WIPF1: variants seen among roughly 807,000 people sequenced by gnomAD.
The protein encoded by WIPF1 is WAS/WASL interacting protein family member 1, also known as WAS/WASL-interacting protein family member 1.
In WIPF1, 13 loss-of-function variants were observed where a neutral mutation model predicts 35.4. The observed-to-expected ratio is 0.37, with a 90% confidence interval of 0.24 to 0.58. WIPF1 has a LOEUF of 0.58. Ranked by LOEUF, WIPF1 falls within the 20% of genes least tolerant of loss-of-function variation. WIPF1 has a pLI of 0.74. For synonymous variants in WIPF1, 267 were observed against 266.3 expected (o/e 1.00, Z -0.02); for missense variants, 591 against 667.0 (o/e 0.89, Z 1.25).
At chr2:174,584,077 A>G (rs998905620) in intron 2 of WIPF1, among the ~76,000 whole-genome samples, 2 of 152,136 alleles carry the variant, frequency 1.3e-5, no homozygotes, top group Non-Finnish European at 2.9e-5. Context: ...ATCCTTCCAA[A>G]GTGCACGCCT....
Position 174,562,057 on chromosome 2 carries a change from G to A in WIPF1, c.*490C>T, listed in dbSNP as rs1301111822. 37 of 1,550,368 alleles carry A rather than the reference G, an allele frequency of 2.4e-5. No homozygotes were observed. The highest frequency in any genetic ancestry group is 3.2e-5 in the Non-Finnish European group (37 of 1,146,944). The stretch of plus-strand genomic sequence containing the variant: ...TCTGTCCTAGAGCCAAGCTCGGACT[G>A]CCAAAGATTGGACATCCTGTGACTG... On this transcript the variant is annotated 3_prime_UTR_variant, in exon 8 of 8. Transcript: ENST00000679041.
At chr2:174,580,254 G>A (rs963369952) in intron 3 of WIPF1, among the ~76,000 whole-genome samples, 8 of 152,124 alleles carry the variant, frequency 5.3e-5, no homozygotes, top group Non-Finnish European at 1.2e-4. Flanking sequence ...CCCGGCCATA[G>A]TTCCTTTTTG....
At chr2:174,661,485 A>G (rs1687758664) in intron 1 of WIPF1, among the ~76,000 whole-genome samples, 1 of 151,688 alleles carries the variant, frequency 6.6e-6, no homozygotes, top group South Asian at 2.1e-4. Flanking sequence ...CCTGACGCAC[A>G]CTTCCCCAGG....
chr2:174,631,903 G>A lies in WIPF1; in HGVS notation c.-38-46292C>T, dbSNP rs562707882. Among the ~76,000 whole-genome samples, 4 of 152,240 alleles carry A rather than the reference G, an allele frequency of 2.6e-5. No individual in the cohort carries two copies. The South Asian group carries it at 6.2e-4, about 24-fold the overall frequency. On this transcript the variant is annotated intron_variant, in intron 1 of 8. Transcript: ENST00000272746. ...CTCAGACATCTGTGGATGTCGACCC[G>A]CAGTGCCACTCTGGTATTATCTGGG...
intron 1 of WIPF1, chr2:174,629,986 A>C: frequency 6.6e-6 from 1 of 152,228 alleles, no homozygotes; most frequent in East Asian, 1.9e-4. Context: ...ATACATGCAT[A>C]ACTTCCTAGT....
intron 3 of WIPF1, among the ~76,000 whole-genome samples, chr2:174,579,730 C>T (rs1408154294): frequency 6.6e-6 from 1 of 152,198 alleles, no homozygotes; most frequent in Non-Finnish European, 1.5e-5. Flanking sequence ...CTAGACTGTC[C>T]AGCCTCCTTC....
chr2:174,567,317 A>C, intron 6 of WIPF1, 134 bp from the exon 7 acceptor site: 1 of 808,720 alleles, frequency 1.2e-6, no homozygotes. Context: ...AAGTTTACAG[A>C]AAAGCTGGAA....
chr2:174,606,090 C>T (rs981724895), intron 1 of WIPF1, among the ~76,000 whole-genome samples: 1 of 151,684 alleles, frequency 6.6e-6, no homozygotes, highest in African/African-American at 2.4e-5. Flanking sequence ...CTCTCAAAAT[C>T]TGAACACCCA....
chr2:174,619,878 G>A (rs1025002394), intron 1 of WIPF1, among the ~76,000 whole-genome samples: 10 of 151,730 alleles, frequency 6.6e-5, no homozygotes, highest in African/African-American at 1.7e-4. Flanking sequence ...GGACGTCGAC[G>A]TTGCAAGAAG....
At chr2:174,601,639 G>A (rs573668651), upstream of WIPF1, among the ~76,000 whole-genome samples, 3 of 152,368 alleles carry the variant, frequency 2.0e-5, no homozygotes, top group Non-Finnish European at 2.9e-5. Context: ...ACAGGTGCTG[G>A]ATGTAACAGT....
intron 1 of WIPF1, among the ~76,000 whole-genome samples, chr2:174,661,725 A>G (rs1307610599): frequency 6.6e-6 from 1 of 152,108 alleles, no homozygotes; most frequent in Non-Finnish European, 1.5e-5. Context: ...CCTTGCCTTA[A>G]GCACACCTCA....
At position 174,593,502 on chromosome 2, in the gene WIPF1, G is replaced by A. The variant is rs79844408; in HGVS notation, c.-39+4099C>T. 7.3e-3 allele frequency among the ~76,000 whole-genome samples: 1,109 copies of A among 152,300 alleles called. 20 individuals carry two copies. The highest frequency in any genetic ancestry group is 0.025 in the African/African-American group (1,059 of 41,558). The stretch of plus-strand genomic sequence containing the variant: ...GACGGTGAATTTTAAAAAGCATGTC[G>A]TTTTGGGATTCCTACTCAATTATTC... On this transcript the variant is annotated intron_variant, in intron 1 of 7. Transcript: ENST00000679041.
intron 1 of WIPF1, among the ~76,000 whole-genome samples, chr2:174,592,372 T>C (rs1227250376): frequency 2.0e-5 from 3 of 152,126 alleles, no homozygotes; most frequent in Non-Finnish European, 4.4e-5. Flanking sequence ...TTCAAAAATA[T>C]AAAGCATTTT....
intron 1 of WIPF1, among the ~76,000 whole-genome samples, chr2:174,674,758 T>C (rs963890221): frequency 1.3e-5 from 2 of 152,132 alleles, no homozygotes; most frequent in African/African-American, 4.8e-5. Context: ...CTAAAATGAA[T>C]TATGCTGGCA....
At chr2:174,593,454 G>T (rs184189483) in intron 1 of WIPF1, among the ~76,000 whole-genome samples, 1 of 152,108 alleles carries the variant, frequency 6.6e-6, no homozygotes, top group Non-Finnish European at 1.5e-5. Context: ...TAAAATCATC[G>T]AGCAAACTCA....
At chr2:174,658,978 A>G (rs1332441616) in intron 1 of WIPF1, among the ~76,000 whole-genome samples, 1 of 152,150 alleles carries the variant, frequency 6.6e-6, no homozygotes, top group Non-Finnish European at 1.5e-5. Flanking sequence ...CTCTGTTTCA[A>G]TATCTGGAAA....
chr2:174,599,324 C>G (rs1463753046), upstream of WIPF1, among the ~76,000 whole-genome samples: 2 of 152,180 alleles, frequency 1.3e-5, no homozygotes, highest in Admixed American at 1.3e-4. Context: ...AGTACTGGGA[C>G]AGATGATGTC....
intron 1 of WIPF1, among the ~76,000 whole-genome samples, chr2:174,603,189 AAACC>A (rs572745716): frequency 1.4e-3 from 206 of 152,324 alleles, no homozygotes; most frequent in Non-Finnish European, 2.0e-3. Flanking sequence ...AGAGGGAGAA[AAACC>A]AAGTGCTGGT....
rs561669420 is a variant in WIPF1, at chr2:174,669,418, C to T, written c.-39+13356G>A. On this transcript the variant is annotated intron_variant, in intron 1 of 8. Transcript: ENST00000272746. ...AACCATTAAAACAAAACTGAGATAA[C>T]TGCACTAGAAGGACACATGATTTCA... 3.1e-4 allele frequency among the ~76,000 whole-genome samples: 47 copies of T among 152,304 alleles called. 1 individual carries two copies. In the South Asian group the frequency reaches 9.7e-3, roughly 32 times the overall value.
Sources: allele counts gnomAD v4.1 joint callset (sites outside exome capture counted in the v4.1 genomes callset), GRCh38; gene constraint gnomAD v4.1.1; transcripts MANE v1.5; gene names NCBI Gene and HGNC (gene_info 2026-07-23, HGNC 2026-07-21).